Variants in CCNY observed in about 807,000 individuals in gnomAD.
CCNY encodes the protein cyclin Y, also known as cyclin-Y.
A neutral mutation model predicts 42.8 loss-of-function variants in CCNY; 19 were observed. The ratio of observed to expected loss-of-function variants is 0.44; its 90% CI spans 0.31 to 0.65. CCNY has a LOEUF of 0.65. CCNY is among the 30% of genes least tolerant of loss of function. The probability of loss-of-function intolerance (pLI) is 0.07; values close to 1 mark genes in which losing one functional copy is unlikely to be tolerated. For synonymous variants in CCNY, 165 were observed against 162.7 expected (o/e 1.01, Z -0.11); for missense variants, 370 against 437.3 (o/e 0.85, Z 1.37).
intron 1 of CCNY, among the ~76,000 whole-genome samples, chr10:35,362,617 A>G (rs952087169): frequency 6.6e-6 from 1 of 152,240 alleles, no homozygotes; most frequent in African/African-American, 2.4e-5. Context: ...CTTTTAATTA[A>G]AAAGTAAACT....
chr10:35,428,542 G>A (rs777394716), intron 1 of CCNY, among the ~76,000 whole-genome samples: 1 of 152,058 alleles, frequency 6.6e-6, no homozygotes, highest in Non-Finnish European at 1.5e-5. Context: ...TAATAATTTT[G>A]GTATTTTTAC....
intron 1 of CCNY, among the ~76,000 whole-genome samples, chr10:35,423,293 G>T (rs995600816): frequency 3.9e-5 from 6 of 152,056 alleles, no homozygotes; most frequent in Admixed American, 2.6e-4. Flanking sequence ...TGGGCAATGT[G>T]GCAAAACCCC....
At chr10:35,457,905 A>G (rs1839072771) in intron 1 of CCNY, among the ~76,000 whole-genome samples, 2 of 152,176 alleles carry the variant, frequency 1.3e-5, no homozygotes, top group African/African-American at 4.8e-5. Context: ...AAATTCTCTT[A>G]TAGGGAAATC....
chr10:35,395,474 A>G (rs1052686466), intron 1 of CCNY, among the ~76,000 whole-genome samples: 7 of 152,172 alleles, frequency 4.6e-5, no homozygotes, highest in African/African-American at 1.7e-4. Context: ...TTCTAGCTCA[A>G]CTGACCCAAC....
chr10:35,272,532 G>A (rs1277122092), intron 3 of CCNY, among the ~76,000 whole-genome samples: 2 of 152,130 alleles, frequency 1.3e-5, no homozygotes, highest in African/African-American at 4.8e-5. Flanking sequence ...TTGGTTTTCT[G>A]TTCCTGCGTT....
intron 1 of CCNY, among the ~76,000 whole-genome samples, chr10:35,403,846 G>C (rs1216736779): frequency 6.6e-6 from 1 of 152,264 alleles, no homozygotes. Flanking sequence ...TGCCTTTGCT[G>C]GTGAGTGGTG....
intron 4 of CCNY, among the ~76,000 whole-genome samples, chr10:35,517,633 C>T (rs753797453): frequency 2.6e-5 from 4 of 152,150 alleles, no homozygotes; most frequent in Non-Finnish European, 5.9e-5. Context: ...AGGACAAGGC[C>T]GCTTGGGTAG....
chr10:35,254,708 G>A (rs1322780733), intron 3 of CCNY, among the ~76,000 whole-genome samples: 1 of 151,602 alleles, frequency 6.6e-6, no homozygotes, highest in Non-Finnish European at 1.5e-5. Context: ...TGAGCCTGTA[G>A]TCCCAGCTAC....
In CCNY at chr10:35,501,555, T is replaced by C; in HGVS notation, c.264+20T>C. ...AACCATGTAAGTGAAGCTGTCTCCC[T>C]GTGTTCTTCATAATGACTGTACAGT... On this transcript the variant is annotated intron_variant, in intron 3 of 9. Transcript: ENST00000374704. 6.2e-7 allele frequency: 1 copy of C among 1,608,584 alleles called. No homozygotes were observed. The highest frequency in any genetic ancestry group is 8.5e-7 in the Non-Finnish European group (1 of 1,174,864).
chr10:35,459,811 G>C (rs1228882075), intron 1 of CCNY, among the ~76,000 whole-genome samples: 1 of 152,206 alleles, frequency 6.6e-6, no homozygotes, highest in Non-Finnish European at 1.5e-5. Context: ...ATGTGCACTG[G>C]ATGAGCACCT....
Position 35,295,950 on chromosome 10 carries a change from C to T in CCNY, c.-9+45324C>T, listed in dbSNP as rs926704339. Among the ~76,000 whole-genome samples, 9 of 152,118 alleles carry T rather than the reference C, an allele frequency of 5.9e-5. No individual in the cohort carries two copies. The East Asian group carries it at 1.7e-3, about 29-fold the overall frequency. On this transcript the variant is annotated intron_variant, in intron 3 of 11. Coordinates refer to the CCNY transcript ENST00000374706. Reference sequence around the variant, plus strand: ...TTTTGGGTAAATAATGAAATTGAGGCAGAAATCAAGAAATATTTGAAACTA... The same window carrying T: ...TTTTGGGTAAATAATGAAATTGAGGTAGAAATCAAGAAATATTTGAAACTA...
chr10:35,344,830 G>C (rs1836264301), intron 1 of CCNY, among the ~76,000 whole-genome samples: 1 of 152,070 alleles, frequency 6.6e-6, no homozygotes, highest in South Asian at 2.1e-4. Flanking sequence ...GCCGTGTTTG[G>C]TTTTTTGTCC....
At position 35,269,793 on chromosome 10, in the gene CCNY, C is replaced by A. The variant is rs574837982; in HGVS notation, c.-9+19167C>A. ...TACAGGTGCCCACCACCATGCCCGG[C>A]TAATTTTTGTATTTTTAGTAGAGAT... On this transcript the variant is annotated intron_variant, in intron 3 of 11. Coordinates refer to the CCNY transcript ENST00000374706. Among the ~76,000 whole-genome samples, 173 of 151,986 alleles carry A rather than the reference C, an allele frequency of 1.1e-3. 1 individual carries two copies. Among genetic ancestry groups the A allele is most frequent in the African/African-American group, 4.0e-3 (165 of 41,448 alleles).
rs528139371 is a variant in CCNY at position 35,468,632 on chromosome 10, A to T, written c.155-14772A>T. 2.0e-5 allele frequency among the ~76,000 whole-genome samples: 3 copies of T among 152,252 alleles called. No homozygotes were observed. In the East Asian group the frequency reaches 5.8e-4, roughly 29 times the overall value. Reference sequence around the variant, plus strand: ...GTTTCTTGACTCTTGCTCAAGAGTCATGAGACTATTTTTTCCTCCTGTGTG... The same window carrying T: ...GTTTCTTGACTCTTGCTCAAGAGTCTTGAGACTATTTTTTCCTCCTGTGTG... On this transcript the variant is annotated intron_variant, in intron 1 of 9. Coordinates refer to ENST00000374704, the MANE Select transcript of CCNY (RefSeq NM_145012.6).
At chr10:35,333,404 A>G (rs892851456), upstream of CCNY, among the ~76,000 whole-genome samples, 4 of 152,214 alleles carry the variant, frequency 2.6e-5, no homozygotes, top group African/African-American at 9.6e-5. Flanking sequence ...AGAAATAACA[A>G]GGCTCCCCTC....
intron 3 of CCNY, among the ~76,000 whole-genome samples, chr10:35,289,878 C>CAAAAAAAAAA (rs35388058): frequency 1.2e-5 from 1 of 85,606 alleles, no homozygotes; most frequent in Non-Finnish European, 2.3e-5. Flanking sequence ...GACTCTGTCT[C>CAAAAAAAAAA]AAAAAAAAAA....
chr10:35,480,165 C>A (rs1037954035), intron 1 of CCNY, among the ~76,000 whole-genome samples: 7 of 152,142 alleles, frequency 4.6e-5, no homozygotes, highest in Non-Finnish European at 7.4e-5. Context: ...TGTCACCGCA[C>A]TGGGGAGAGA....
At chr10:35,283,534 G>T (rs1380252958) in intron 3 of CCNY, among the ~76,000 whole-genome samples, 1 of 151,992 alleles carries the variant, frequency 6.6e-6, no homozygotes, top group Non-Finnish European at 1.5e-5. Flanking sequence ...CTCCCAAGTA[G>T]GTGGGACCAC....
chr10:35,479,369 A>G (rs1589148321), intron 1 of CCNY, among the ~76,000 whole-genome samples: 1 of 146,004 alleles, frequency 6.8e-6, no homozygotes, highest in South Asian at 2.2e-4. Context: ...ATGTCCAACA[A>G]TGATAGACTG....
Sources: gnomAD v4.1 joint callset for allele counts (sites outside exome capture counted in the v4.1 genomes callset) on GRCh38, gnomAD v4.1.1 for gene constraint, MANE v1.5 for transcripts, NCBI Gene and HGNC (gene_info 2026-07-23, HGNC 2026-07-21) for gene names.